The following FER1L6 variants were observed in gnomAD, a reference collection of about 807,000 sequenced individuals.
FER1L6 encodes the protein fer-1 like family member 6.
Under a neutral mutation model 219.2 loss-of-function variants are expected in FER1L6, and 177 were observed. The ratio of observed to expected loss-of-function variants is 0.81; its 90% CI spans 0.71 to 0.91. The LOEUF (loss-of-function observed/expected upper bound fraction) is 0.91, where lower values mean the gene tolerates loss of function less well. Ranked by LOEUF, FER1L6 falls within the 40% of genes least tolerant of loss-of-function variation. FER1L6 has a pLI of 0.00. For synonymous variants in FER1L6, 768 were observed against 824.3 expected, an observed-to-expected ratio of 0.93 and a Z score of 1.17; for missense variants, 2,153 against 2,259.9, an observed-to-expected ratio of 0.95 and a Z score of 0.96.
chr8:124,056,230 A>G (rs572820241), intron 22 of FER1L6, among the ~76,000 whole-genome samples: 2 of 152,316 alleles, frequency 1.3e-5, no homozygotes, highest in Admixed American at 6.5e-5. Context: ...ACACTTCCCA[A>G]TTCCTAGAAA....
intron 1 of FER1L6, among the ~76,000 whole-genome samples, chr8:123,896,400 A>G (rs916763044): frequency 7.2e-5 from 11 of 152,234 alleles, no homozygotes; most frequent in African/African-American, 2.7e-4. Flanking sequence ...ATAAGGCAGA[A>G]CACATGGAAT....
At chr8:124,102,603 CA>C (rs1822591101) in intron 38 of FER1L6, among the ~76,000 whole-genome samples, 1 of 152,208 alleles carries the variant, frequency 6.6e-6, no homozygotes, top group Non-Finnish European at 1.5e-5. Context: ...ATATAGAACT[CA>C]TGGCAATCTC....
intron 1 of FER1L6, among the ~76,000 whole-genome samples, chr8:123,928,517 G>T (rs1038457157): frequency 5.9e-5 from 9 of 152,202 alleles, no homozygotes; most frequent in African/African-American, 2.2e-4. Flanking sequence ...GCATCCTCCA[G>T]TTCCCAGTGG....
intron 1 of FER1L6, among the ~76,000 whole-genome samples, chr8:123,929,132 T>A (rs1358924708): frequency 6.6e-6 from 1 of 152,192 alleles, no homozygotes; most frequent in Non-Finnish European, 1.5e-5. Context: ...AGAGGTGTAT[T>A]AAGGGATGGT....
intron 15 of FER1L6, chr8:124,013,809 G>A (rs1818058052): frequency 4.5e-6 from 1 of 221,200 alleles, no homozygotes; most frequent in East Asian, 1.1e-4. Flanking sequence ...TAGTGTTAGT[G>A]TACCAGCATA....
intron 17 of FER1L6, among the ~76,000 whole-genome samples, chr8:124,022,860 G>A (rs1818515543): frequency 6.6e-6 from 1 of 152,096 alleles, no homozygotes; most frequent in Non-Finnish European, 1.5e-5. Flanking sequence ...CACAGATCCA[G>A]CTTGCATGTT....
chr8:124,035,491 T>A (rs367989312), intron 19 of FER1L6, 37 bp downstream of exon 19: 45 of 1,578,212 alleles, frequency 2.9e-5, no homozygotes, highest in Non-Finnish European at 3.7e-5. Flanking sequence ...TCATTCGAGG[T>A]CTCAGGTGGG....
intron 27 of FER1L6, 124 bp from the exon 28 acceptor site, chr8:124,067,643 A>T: frequency 1.1e-6 from 1 of 870,336 alleles, no homozygotes; most frequent in Non-Finnish European, 1.8e-6. Context: ...GGGACTGCTT[A>T]CAGACTGTTT....
intron 1 of FER1L6, among the ~76,000 whole-genome samples, chr8:123,907,265 A>G (rs955116532): frequency 2.6e-5 from 4 of 152,184 alleles, no homozygotes; most frequent in African/African-American, 9.7e-5. Flanking sequence ...GTGTACACAT[A>G]CTCACACACA....
At chr8:124,081,617 AAAAAAAAAG>A (rs1446737445) in intron 32 of FER1L6, among the ~76,000 whole-genome samples, 3 of 150,218 alleles carry the variant, frequency 2.0e-5, no homozygotes, top group African/African-American at 7.4e-5. Context: ...AAAAAAAAAA[AAAAAAAAAG>A]GGCAGGTCCC....
rs1194111646 is a variant in FER1L6, at chr8:123,980,771, C to T, written c.1370C>T (p.Ser457Leu). The change falls in exon 11 of 41, where the codon TCA becomes TTA. Residue 457 changes from serine (S) to leucine (L), a missense_variant. Coordinates refer to ENST00000522917, the MANE Select transcript of FER1L6 (RefSeq NM_001039112.2). ...CAACAGGCTTCAAACAAAACTAACT[C>T]AACCGAGGTGGAGGTGGAATCGTTC... is the stretch of plus-strand genomic sequence containing the variant. Reference protein sequence around the residue: ...KSQQASNKTNSTEVEVESFDV... With the variant: ...KSQQASNKTNLTEVEVESFDV... The T allele has an allele frequency of 6.2e-6, 10 of 1,613,996 alleles. No individual in the cohort carries two copies. The highest frequency in any genetic ancestry group is 8.5e-6 in the Non-Finnish European group (10 of 1,180,024).
chr8:123,924,736 T>A (rs1261577054), intron 1 of FER1L6: 1 of 152,088 alleles, frequency 6.6e-6, no homozygotes, highest in Non-Finnish European at 1.5e-5. Flanking sequence ...CTGGGAGAAT[T>A]GAGAAAAAAA....
At chr8:123,976,499 A>G (rs1816078588) in intron 9 of FER1L6, among the ~76,000 whole-genome samples, 1 of 150,628 alleles carries the variant, frequency 6.6e-6, no homozygotes. Flanking sequence ...ACAGAGCAAG[A>G]CTCTGTCTTT....
At chr8:124,017,553 T>C in intron 15 of FER1L6, 75 bp from the exon 16 acceptor site, 1 of 1,173,168 alleles carries the variant, frequency 8.5e-7, no homozygotes, top group Non-Finnish European at 1.3e-6. Flanking sequence ...GCAGAAACAA[T>C]ATTTGCAAAC....
intron 31 of FER1L6, among the ~76,000 whole-genome samples, chr8:124,075,745 C>T (rs1821256673): frequency 6.6e-6 from 1 of 152,120 alleles, no homozygotes; most frequent in African/African-American, 2.4e-5. Context: ...GTCACTAGAT[C>T]ATAGGAATTT....
chr8:124,030,325 T>C (rs1372800728), intron 18 of FER1L6, among the ~76,000 whole-genome samples: 1 of 152,214 alleles, frequency 6.6e-6, no homozygotes, highest in East Asian at 1.9e-4. Context: ...ATGAAGGTTT[T>C]GCGGTCCCGG....
At chr8:123,918,655 A>T (rs1311555365) in intron 1 of FER1L6, among the ~76,000 whole-genome samples, 1 of 143,070 alleles carries the variant, frequency 7.0e-6, no homozygotes, top group Non-Finnish European at 1.5e-5. Context: ...CACGGCAGAA[A>T]GTGTTTAGCA....
rs73328371 is a variant in FER1L6, at chr8:124,055,982, G to A, written c.2875-4198G>A. Among the ~76,000 whole-genome samples, 39 of 151,818 alleles carry A rather than the reference G, an allele frequency of 2.6e-4. No individual in the cohort carries two copies. In the South Asian group the frequency reaches 6.1e-3, roughly 24 times the overall value. On this transcript the variant is annotated intron_variant, in intron 22 of 40. Coordinates refer to ENST00000522917, the MANE Select transcript of FER1L6 (RefSeq NM_001039112.2). ...CTCTCTCATTGTCTCTTTCTCCCCC[G>A]AGCCTCCCGTCTACTTCCATTATCA...
chr8:123,926,767 T>C (rs62518696), intron 1 of FER1L6, among the ~76,000 whole-genome samples: 61,787 of 151,990 alleles, frequency 0.41, 12,918 homozygotes, highest in South Asian at 0.53. Context: ...GCTGTACTAC[T>C]TGATGTGAAG....
Sources: gnomAD v4.1 joint callset for allele counts (sites outside exome capture counted in the v4.1 genomes callset) on GRCh38, gnomAD v4.1.1 for gene constraint, MANE v1.5 for transcripts, NCBI Gene and HGNC (gene_info 2026-07-23, HGNC 2026-07-21) for gene names.